The following CNTNAP2 variants were observed in gnomAD, a reference collection of about 807,000 sequenced individuals.
The protein encoded by CNTNAP2 is contactin-associated protein-like 2.
In CNTNAP2, 98 loss-of-function variants were observed where a neutral mutation model predicts 155.2. The ratio of observed to expected loss-of-function variants is 0.63; its 90% CI spans 0.54 to 0.75. The LOEUF (loss-of-function observed/expected upper bound fraction) is 0.75, where lower values mean the gene tolerates loss of function less well. CNTNAP2 is among the 30% of genes least tolerant of loss of function. The pLI, the probability that CNTNAP2 is intolerant of heterozygous loss-of-function variation, is 0.00. For synonymous variants in CNTNAP2, 651 were observed against 631.2 expected (o/e 1.03, Z -0.47); for missense variants, 1,727 against 1,688.1 (o/e 1.02, Z -0.40).
chr7:146,858,470 G>T (rs1202812046), intron 3 of CNTNAP2, among the ~76,000 whole-genome samples: 1 of 152,194 alleles, frequency 6.6e-6, no homozygotes, highest in Admixed American at 6.5e-5. Context: ...AAGGCGAGAG[G>T]ATCACTTGAG....
chr7:147,438,297 G>A (rs892541743), intron 10 of CNTNAP2, among the ~76,000 whole-genome samples: 1 of 151,894 alleles, frequency 6.6e-6, no homozygotes, highest in Admixed American at 6.6e-5. Context: ...TCTATCCCCA[G>A]TTTTTGAGAG....
At chr7:146,853,059 G>A (rs571308444) in intron 3 of CNTNAP2, among the ~76,000 whole-genome samples, 1 of 152,172 alleles carries the variant, frequency 6.6e-6, no homozygotes, top group East Asian at 1.9e-4. Context: ...CATTCAGCCT[G>A]GAACAAACAA....
At chr7:148,184,744 T>A in intron 18 of CNTNAP2, among the ~76,000 whole-genome samples, 1 of 152,316 alleles carries the variant, frequency 6.6e-6, no homozygotes, top group Non-Finnish European at 1.5e-5. Flanking sequence ...TATAGAACAG[T>A]GGAACAAGAG....
chr7:148,288,164 A>G (rs1797121596), intron 21 of CNTNAP2, among the ~76,000 whole-genome samples: 1 of 149,342 alleles, frequency 6.7e-6, no homozygotes, highest in Non-Finnish European at 1.5e-5. Flanking sequence ...CAATGGCACA[A>G]TCTTGGCTCA....
intron 16 of CNTNAP2, among the ~76,000 whole-genome samples, chr7:148,119,423 T>C (rs1052457782): frequency 6.6e-6 from 1 of 151,380 alleles, no homozygotes; most frequent in South Asian, 2.1e-4. Flanking sequence ...TCCCAGCTAC[T>C]TGGGAGGCTG....
At chr7:146,818,099 G>T (rs185743118) in intron 2 of CNTNAP2, among the ~76,000 whole-genome samples, 1 of 151,954 alleles carries the variant, frequency 6.6e-6, no homozygotes, top group African/African-American at 2.4e-5. Context: ...TGTTTATAGT[G>T]TTTTTTCTCA....
chr7:147,996,862 T>C (rs921714573), intron 15 of CNTNAP2, among the ~76,000 whole-genome samples: 5 of 152,174 alleles, frequency 3.3e-5, no homozygotes, highest in African/African-American at 1.2e-4. Context: ...ACTGCTATGG[T>C]CTGTTTTTGT....
chr7:148,217,547 T>G, intron 19 of CNTNAP2, 23 bp downstream of exon 19: 7 of 1,608,200 alleles, frequency 4.4e-6, no homozygotes, highest in Non-Finnish European at 6.0e-6. Context: ...ATACCCAGCC[T>G]CTGCCATTTA....
intron 8 of CNTNAP2, among the ~76,000 whole-genome samples, chr7:147,156,862 T>C (rs1801935849): frequency 6.6e-6 from 1 of 152,106 alleles, no homozygotes; most frequent in African/African-American, 2.4e-5. Flanking sequence ...ACCTTCACAC[T>C]AGTATGGTTG....
intron 19 of CNTNAP2, among the ~76,000 whole-genome samples, chr7:148,219,808 G>A (rs1795713346): frequency 2.0e-5 from 3 of 152,144 alleles, no homozygotes; most frequent in African/African-American, 2.4e-5. Flanking sequence ...CTATGATCAC[G>A]CCACTGTACT....
chr7:147,060,877 A>T (rs964766804), intron 4 of CNTNAP2, among the ~76,000 whole-genome samples: 7 of 135,542 alleles, frequency 5.2e-5, no homozygotes, highest in African/African-American at 2.5e-4. Context: ...AAAAAAATAG[A>T]AAAAGAAAAA....
intron 10 of CNTNAP2, among the ~76,000 whole-genome samples, chr7:147,483,689 C>A (rs1266860437): frequency 6.6e-6 from 1 of 152,184 alleles, no homozygotes; most frequent in Non-Finnish European, 1.5e-5. Flanking sequence ...ACACCATATA[C>A]GTACTGAATT....
At chr7:148,252,630 C>T (rs973891164) in intron 20 of CNTNAP2, among the ~76,000 whole-genome samples, 5 of 152,298 alleles carry the variant, frequency 3.3e-5, no homozygotes, top group Admixed American at 6.5e-5. Flanking sequence ...CACTGCAAGT[C>T]ATAGAGTAGA....
At chr7:147,537,725 C>A (rs536303444) in intron 11 of CNTNAP2, among the ~76,000 whole-genome samples, 5 of 152,082 alleles carry the variant, frequency 3.3e-5, no homozygotes, top group African/African-American at 1.2e-4. Flanking sequence ...TTCAAAGAAA[C>A]GCACATCTTT....
intron 11 of CNTNAP2, among the ~76,000 whole-genome samples, chr7:147,526,974 G>C (rs1306574077): frequency 6.9e-6 from 1 of 145,388 alleles, no homozygotes; most frequent in African/African-American, 2.6e-5. Flanking sequence ...AATAGAACAG[G>C]TATACCTTTG....
chr7:146,990,399 G>C (rs73463288), intron 3 of CNTNAP2, among the ~76,000 whole-genome samples: 2,523 of 152,226 alleles, frequency 0.017, 35 homozygotes, highest in African/African-American at 0.034. Flanking sequence ...CTGTATATCT[G>C]CCTTGTAAGA....
chr7:146,798,054 A>T (rs1318820635), intron 2 of CNTNAP2, among the ~76,000 whole-genome samples: 1 of 152,150 alleles, frequency 6.6e-6, no homozygotes, highest in East Asian at 1.9e-4. Context: ...TGGGAGGATC[A>T]CTTGAGCCTA....
chr7:147,802,377 G>A (rs1248388724), intron 13 of CNTNAP2, among the ~76,000 whole-genome samples: 7 of 151,864 alleles, frequency 4.6e-5, no homozygotes, highest in African/African-American at 1.2e-4. Context: ...ACGGGGTGGC[G>A]GCCGGGCAGA....
At chr7:146,738,781 G>A (rs990551466) in intron 1 of CNTNAP2, among the ~76,000 whole-genome samples, 5 of 150,772 alleles carry the variant, frequency 3.3e-5, no homozygotes, top group African/African-American at 7.3e-5. Flanking sequence ...CTTCTTTGAC[G>A]GTAGACATTT....
Sources: allele counts gnomAD v4.1 joint callset (sites outside exome capture counted in the v4.1 genomes callset), GRCh38; gene constraint gnomAD v4.1.1; transcripts MANE v1.5; gene names NCBI Gene and HGNC (gene_info 2026-07-23, HGNC 2026-07-21).